Variants in ACAN observed in about 807,000 individuals in gnomAD.
The protein encoded by ACAN is aggrecan.
A neutral mutation model predicts 169.1 loss-of-function variants in ACAN; 47 were observed. The observed-to-expected ratio is 0.28, with a 90% confidence interval of 0.22 to 0.35. The LOEUF (loss-of-function observed/expected upper bound fraction) is 0.35. ACAN is among the 10% of genes least tolerant of loss of function. The pLI is 1.00. For synonymous variants in ACAN, 1,115 were observed against 1,112.2 expected, an observed-to-expected ratio of 1.00 and a Z score of -0.05; for missense variants, 2,716 against 2,759.9, an observed-to-expected ratio of 0.98 and a Z score of 0.36.
chr15:88,872,752 C>A lies in ACAN; in HGVS notation c.7303-129C>A. ...TTCCCAGCAGTTTTTGTGCTGCTATCAGATGAGCCTGAAGTTGGTGCTAAA... is the reference window on the plus strand; with the variant it reads ...TTCCCAGCAGTTTTTGTGCTGCTATAAGATGAGCCTGAAGTTGGTGCTAAA... On this transcript the variant is annotated intron_variant, in intron 16 of 18. Coordinates refer to ENST00000560601, the MANE Select transcript of ACAN (RefSeq NM_001369268.1). The surrounding 1 kb of genome is among the most constrained non-coding windows in gnomAD (Gnocchi z 5.4). 5 of 1,188,122 alleles carry A rather than the reference C, an allele frequency of 4.2e-6. No individual in the cohort carries two copies. The highest frequency in any genetic ancestry group is 5.9e-6 in the Non-Finnish European group (5 of 854,044). The allele number at this position is 1,188,122 out of a possible 1,614,324, so 73.6% of individuals were successfully genotyped here.
Position 88,845,168 on chromosome 15 carries a change from T to C in ACAN, c.1052-337T>C, listed in dbSNP as rs565425889. On this transcript the variant is annotated intron_variant, in intron 6 of 18. Transcript: ENST00000560601. ...GATAGTTACAGCATCAGATGGTTGG[T>C]AAGGTGCTCATGAGACGAGTGAAGC... 7.9e-5 allele frequency among the ~76,000 whole-genome samples: 12 copies of C among 152,316 alleles called. No individual in the cohort carries two copies. In the East Asian group the frequency reaches 2.3e-3, roughly 29 times the overall value.
intron 9 of ACAN, among the ~76,000 whole-genome samples, chr15:88,848,860 A>G (rs28756918): frequency 0.062 from 9,438 of 152,228 alleles, 514 homozygotes; most frequent in African/African-American, 0.15. Context: ...TGAGTATTAA[A>G]TGAGATATGT....
chr15:88,845,642 G>A lies in ACAN; in HGVS notation c.1189G>A (p.Val397Met), dbSNP rs748422617. ...CACTGAGGGTGAAGCCCGAGGCAGC[G>A]TGATCCTTACCGTAAAGCCCATCTT... ...NITEGEARGS[V>M]ILTVKPIFEV... is the part of the protein sequence containing the mutation. Residue 397 changes from valine to methionine, a missense_variant, in exon 7 of 19, where the codon GTG (valine) becomes ATG (methionine). Physicochemically the swap from Val to Met is conservative, Grantham distance 21. Coordinates refer to ENST00000560601, the MANE Select transcript of ACAN (RefSeq NM_001369268.1). The A allele has an allele frequency of 2.4e-5, 38 of 1,613,932 alleles. No individual in the cohort carries two copies. The highest frequency in any genetic ancestry group is 1.6e-4 in the South Asian group (15 of 91,090).
intron 1 of ACAN, among the ~76,000 whole-genome samples, chr15:88,818,508 T>C (rs574749582): frequency 6.6e-6 from 1 of 152,348 alleles, no homozygotes; most frequent in Admixed American, 6.5e-5. Flanking sequence ...AGTTCCCTTG[T>C]TTCTCTTATG....
rs3743399 is a variant in ACAN at position 88,855,099 on chromosome 15, G to T, written c.2514G>T (p.Ser838=). 99 of 1,595,168 alleles carry T rather than the reference G, an allele frequency of 6.2e-5. No homozygotes were observed. In the South Asian group the frequency reaches 1.1e-3, roughly 18 times the overall value. Reference sequence around the variant, plus strand: ...CCCCCTCAGAGGAACCATCAGCCTCGGAAGAGCCGTATACACCTTCACCCC... The same window carrying T: ...CCCCCTCAGAGGAACCATCAGCCTCTGAAGAGCCGTATACACCTTCACCCC... ...EPSPSEEPSA[S]EEPYTPSPPV... is the part of the protein sequence containing the mutation. The change falls in exon 12 of 19, where the codon TCG becomes TCT. Residue 838 remains serine, a synonymous_variant. Transcript: ENST00000560601.
chr15:88,834,716 C>T (rs1017939177), intron 1 of ACAN, among the ~76,000 whole-genome samples: 31 of 152,354 alleles, frequency 2.0e-4, no homozygotes, highest in African/African-American at 7.0e-4. Flanking sequence ...GGAACATCAC[C>T]AGGCATGCAC....
intron 4 of ACAN, 143 bp from the exon 5 acceptor site, chr15:88,841,597 G>A (rs527695988): frequency 1.1e-5 from 12 of 1,050,318 alleles, no homozygotes; most frequent in African/African-American, 7.9e-5. Context: ...AAAACAGATA[G>A]GCAGTTGACA....
At position 88,814,172 on chromosome 15, in the gene ACAN, G is replaced by A. The variant is rs934700711; in HGVS notation, c.-8+10363G>A. 2.0e-5 allele frequency among the ~76,000 whole-genome samples: 3 copies of A among 152,156 alleles called. No homozygotes were observed. The highest frequency in any genetic ancestry group is 2.9e-5 in the Non-Finnish European group (2 of 68,030). On this transcript the variant is annotated intron_variant, in intron 1 of 18. Coordinates refer to ENST00000560601, the MANE Select transcript of ACAN (RefSeq NM_001369268.1). This position sits in a 1 kb window ranked among gnomAD's most constrained non-coding sequence, Gnocchi z 4.0. ...GAGTTGATTAGTCTTGCTGTGCCTC[G>A]TTTTCCTCATCTGTGAATTGGGTAT...
At chr15:88,810,638 A>C (rs1596110671) in intron 1 of ACAN, among the ~76,000 whole-genome samples, 1 of 152,278 alleles carries the variant, frequency 6.6e-6, no homozygotes, top group Middle Eastern at 3.4e-3. Context: ...GAATGTAGTA[A>C]ATGTTTTTCA....
chr15:88,834,657 A>C (rs918263225), intron 1 of ACAN, among the ~76,000 whole-genome samples: 2 of 152,194 alleles, frequency 1.3e-5, no homozygotes, highest in African/African-American at 2.4e-5. Context: ...TCTTAAACCA[A>C]AAGGGGAGGG....
intron 1 of ACAN, among the ~76,000 whole-genome samples, chr15:88,817,884 A>G (rs1895981858): frequency 6.6e-6 from 1 of 151,360 alleles, no homozygotes; most frequent in Admixed American, 6.6e-5. Flanking sequence ...GAAAGGGAAA[A>G]GGAAAAAAAA....
At position 88,872,028 on chromosome 15, in the gene ACAN, C is replaced by T. The variant is rs756200365; in HGVS notation, c.7245C>T (p.Ile2415=). 51 of 1,613,940 alleles carry T rather than the reference C, an allele frequency of 3.2e-5. No individual in the cohort carries two copies. The highest frequency in any genetic ancestry group is 3.3e-4 in the Middle Eastern group (2 of 6,062). ...VNNNAQDYQW[I]GLNDRTIEGD... The stretch of plus-strand genomic sequence containing the variant: ...ACAATGCCCAAGACTACCAGTGGAT[C>T]GGCCTGAACGACAGGACCATCGAAG... The change falls in exon 16 of 19, where the codon ATC becomes ATT. Residue 2415 remains isoleucine, a synonymous_variant. Coordinates refer to ENST00000560601, the MANE Select transcript of ACAN (RefSeq NM_001369268.1). The surrounding 1 kb of genome is among the most constrained non-coding windows in gnomAD (Gnocchi z 5.4).
At chr15:88,860,810 G>A (rs575651946) in intron 13 of ACAN, among the ~76,000 whole-genome samples, 5 of 152,278 alleles carry the variant, frequency 3.3e-5, no homozygotes, top group African/African-American at 7.2e-5. Flanking sequence ...GGTGAGGAGT[G>A]TCTGAGTGGG....
In ACAN at chr15:88,849,935, A is replaced by C; in HGVS notation, c.2026+204A>C. On this transcript the variant is annotated intron_variant, in intron 10 of 18. Transcript: ENST00000560601. The surrounding 1 kb of genome is among the most constrained non-coding windows in gnomAD (Gnocchi z 5.1). ...ATCCTTCTAAAGTTCCCCAGAGACA[A>C]GTAGAGATAAATAAGAACTTGAGCT... 2 of 733,134 alleles carry C rather than the reference A, an allele frequency of 2.7e-6. No individual in the cohort carries two copies. 45.4% of individuals were successfully genotyped at this position (733,134 alleles called of 1,614,324 possible).
At chr15:88,810,358 A>T in intron 1 of ACAN, among the ~76,000 whole-genome samples, 1 of 142,628 alleles carries the variant, frequency 7.0e-6, no homozygotes, top group East Asian at 2.0e-4. Flanking sequence ...TTTTGGGGGG[A>T]AAAAAAAACC....
Position 88,858,702 on chromosome 15 carries a change from T to A in ACAN, c.6117T>A (p.Ser2039=). The A allele has an allele frequency of 6.2e-7, 1 of 1,613,958 alleles. No homozygotes were observed. Among genetic ancestry groups the A allele is most frequent in the Non-Finnish European group, 8.5e-7 (1 of 1,179,884 alleles). ...TTCCAGAAGTTACTTTAATCACTTC[T>A]GAGTTCGTGGAGGGTGTTACTGAAC... ...SGLPEVTLIT[S]EFVEGVTEPT... The change falls in exon 12 of 19, where the codon TCT becomes TCA. Residue 2039 remains serine (S), a synonymous_variant. Transcript: ENST00000560601. The surrounding 1 kb of genome is among the most constrained non-coding windows in gnomAD (Gnocchi z 4.0).
At position 88,851,484 on chromosome 15, in the gene ACAN, C is replaced by G. The variant is rs752005043; in HGVS notation, c.2027-310C>G. 1 of 269,512 alleles carries G rather than the reference C, an allele frequency of 3.7e-6. No individual in the cohort carries two copies. Among genetic ancestry groups the G allele is most frequent in the Non-Finnish European group, 7.0e-6 (1 of 143,730 alleles). 16.7% of individuals were successfully genotyped at this position (269,512 alleles called of 1,614,324 possible). ...TCTGTAAAATGAGATAATCATATCT[C>G]TCTCATAAAGCTGTTGTGAGATAAA... On this transcript the variant is annotated intron_variant, in intron 10 of 18. Transcript: ENST00000560601. The surrounding 1 kb of genome is among the most constrained non-coding windows in gnomAD (Gnocchi z 4.3).
intron 4 of ACAN, 130 bp downstream of exon 4, chr15:88,840,316 A>C: frequency 8.3e-7 from 1 of 1,199,676 alleles, no homozygotes; most frequent in Non-Finnish European, 1.1e-6. Flanking sequence ...CCTAGGTTAG[A>C]GGCCGTGGTC....
chr15:88,845,408 A>G (rs1368899086), intron 6 of ACAN, 97 bp from the exon 7 acceptor site: 6 of 1,470,146 alleles, frequency 4.1e-6, no homozygotes, highest in Non-Finnish European at 5.5e-6. Flanking sequence ...CCCAGCAGGG[A>G]AGGAGGGGGA....
Sources: allele counts gnomAD v4.1 joint callset (sites outside exome capture counted in the v4.1 genomes callset), GRCh38; gene constraint gnomAD v4.1.1; non-coding constraint Gnocchi (gnomAD v3.1); transcripts MANE v1.5; gene names NCBI Gene and HGNC (gene_info 2026-07-23, HGNC 2026-07-21).